The following CD96 variants were observed in gnomAD, a reference collection of about 807,000 sequenced individuals.
The protein encoded by CD96 is CD96 molecule.
A neutral mutation model predicts 71.3 loss-of-function variants in CD96; 70 were observed. The observed-to-expected ratio is 0.98, with a 90% CI of 0.81 to 1.20. The LOEUF is 1.20. CD96 is among the 50% of genes most tolerant of loss of function. CD96 has a pLI of 0.00. For synonymous variants in CD96, 248 were observed against 233.0 expected (o/e 1.06, Z -0.59); for missense variants, 742 against 677.5 (o/e 1.10, Z -1.06).
At chr3:111,579,696 C>G in intron 4 of CD96, among the ~76,000 whole-genome samples, 1 of 152,100 alleles carries the variant, frequency 6.6e-6, no homozygotes, top group East Asian at 1.9e-4. Context: ...CTCTCTTCCT[C>G]TTCTTATAAG....
intron 10 of CD96, among the ~76,000 whole-genome samples, chr3:111,626,826 A>G (rs1398020902): frequency 1.3e-5 from 2 of 152,238 alleles, no homozygotes; most frequent in Non-Finnish European, 2.9e-5. Context: ...AAAAGTAAAT[A>G]CCAAATAACA....
chr3:111,577,475 CCTT>C (rs1430507804), intron 3 of CD96: 1 of 1,548,108 alleles, frequency 6.5e-7, no homozygotes, highest in East Asian at 2.2e-5. Flanking sequence ...AGTCTTTCTC[CCTT>C]CTTCTTTTGC....
chr3:111,623,828 T>G lies in CD96; in HGVS notation c.1249+6T>G. The G allele has an allele frequency of 6.3e-7, 1 of 1,591,080 alleles. No homozygotes were observed. Among genetic ancestry groups the G allele is most frequent in the Non-Finnish European group, 8.6e-7 (1 of 1,159,016 alleles). On this transcript the variant is annotated splice_donor_region_variant and intron_variant, in intron 9 of 13. Transcript: ENST00000352690. Reference sequence around the variant, plus strand: ...GCCAAACACCACTCCTCAACGTGAGTTCAGCAAAGTTTTCCTACATGATTG... The same window carrying G: ...GCCAAACACCACTCCTCAACGTGAGGTCAGCAAAGTTTTCCTACATGATTG...
chr3:111,629,922 T>G (rs1938973864), intron 10 of CD96, among the ~76,000 whole-genome samples: 1 of 152,138 alleles, frequency 6.6e-6, no homozygotes. Context: ...ACTTTCAGGT[T>G]AATAATGAAA....
At chr3:111,552,469 T>C (rs1934765035) in intron 2 of CD96, among the ~76,000 whole-genome samples, 1 of 152,162 alleles carries the variant, frequency 6.6e-6, no homozygotes, top group African/African-American at 2.4e-5. Flanking sequence ...AAATATGTCT[T>C]TTAATAAGTT....
At chr3:111,637,171 C>T in intron 10 of CD96, 25 bp from the exon 11 acceptor site, 1 of 1,301,238 alleles carries the variant, frequency 7.7e-7, no homozygotes. Context: ...TATAGGTTAA[C>T]TCTTCTGATA....
At chr3:111,607,756 A>G (rs1937693397) in intron 8 of CD96, among the ~76,000 whole-genome samples, 2 of 152,198 alleles carry the variant, frequency 1.3e-5, no homozygotes. Flanking sequence ...GTGGCAGAAA[A>G]GCTTGCAAAC....
chr3:111,656,438 A>T (rs75326384), downstream of CD96, among the ~76,000 whole-genome samples: 750 of 152,314 alleles, frequency 4.9e-3, 5 homozygotes, highest in African/African-American at 0.017. Context: ...CAATATTGAG[A>T]AGAATATGAT....
chr3:111,583,887 ATT>A (rs991597108), intron 4 of CD96, among the ~76,000 whole-genome samples: 10 of 152,132 alleles, frequency 6.6e-5, no homozygotes, highest in African/African-American at 2.4e-4. Context: ...GCCTGGGGAC[ATT>A]TTCCCCATGG....
intron 8 of CD96, among the ~76,000 whole-genome samples, chr3:111,610,431 T>C (rs1280970989): frequency 1.3e-5 from 2 of 152,220 alleles, no homozygotes; most frequent in Non-Finnish European, 2.9e-5. Context: ...AATTCTAAGA[T>C]GTAATGAGCT....
chr3:111,592,325 T>C (rs1319488071), intron 5 of CD96, among the ~76,000 whole-genome samples: 1 of 152,240 alleles, frequency 6.6e-6, no homozygotes, highest in African/African-American at 2.4e-5. Context: ...AAAGCATCTC[T>C]GAACATTTAA....
intron 3 of CD96, 137 bp from the exon 4 acceptor site, chr3:111,578,890 C>T (rs1238818928): frequency 1.1e-5 from 8 of 698,744 alleles, no homozygotes; most frequent in Non-Finnish European, 1.9e-5. Context: ...TAGTAATATA[C>T]TAAATGTCTT....
intron 4 of CD96, among the ~76,000 whole-genome samples, chr3:111,580,967 T>C (rs1936437474): frequency 6.6e-6 from 1 of 152,242 alleles, no homozygotes; most frequent in African/African-American, 2.4e-5. Context: ...TGTCCCCTAT[T>C]GATCAAGACT....
intron 2 of CD96, among the ~76,000 whole-genome samples, chr3:111,550,578 C>A (rs949491778): frequency 6.6e-6 from 1 of 151,418 alleles, no homozygotes; most frequent in Non-Finnish European, 1.5e-5. Flanking sequence ...ACAAGTAGGA[C>A]TACCCCGATA....
At chr3:111,628,709 C>T (rs547797485) in intron 10 of CD96, among the ~76,000 whole-genome samples, 12 of 152,134 alleles carry the variant, frequency 7.9e-5, no homozygotes, top group African/African-American at 2.2e-4. Flanking sequence ...GACACATAAT[C>T]GTCAGATTCT....
At chr3:111,550,591 GA>G (rs201504211) in intron 2 of CD96, among the ~76,000 whole-genome samples, 20 of 150,134 alleles carry the variant, frequency 1.3e-4, no homozygotes, top group Non-Finnish European at 2.4e-4. Flanking sequence ...CCCCGATATT[GA>G]AAAAAAAAGA....
chr3:111,555,775 T>C (rs541557003), intron 2 of CD96, among the ~76,000 whole-genome samples: 2 of 152,292 alleles, frequency 1.3e-5, no homozygotes, highest in African/African-American at 4.8e-5. Context: ...TTCTTGGATG[T>C]GTAGATTAAT....
intron 4 of CD96, among the ~76,000 whole-genome samples, chr3:111,584,741 G>T (rs73228175): frequency 2.6e-5 from 4 of 152,208 alleles, no homozygotes; most frequent in South Asian, 4.1e-4. Flanking sequence ...ATTACCTCTC[G>T]CTGGGTCTCT....
At chr3:111,614,093 C>A (rs1034454271) in intron 8 of CD96, among the ~76,000 whole-genome samples, 1 of 152,186 alleles carries the variant, frequency 6.6e-6, no homozygotes, top group Non-Finnish European at 1.5e-5. Flanking sequence ...CAAGAACAGA[C>A]CTGTGTCAAT....
Sources: allele counts gnomAD v4.1 joint callset (sites outside exome capture counted in the v4.1 genomes callset), GRCh38; gene constraint gnomAD v4.1.1; transcripts MANE v1.5; gene names NCBI Gene and HGNC (gene_info 2026-07-23, HGNC 2026-07-21).